Variants in SLC25A21 observed in about 807,000 individuals in gnomAD.
SLC25A21 encodes mitochondrial 2-oxodicarboxylate carrier.
Under a neutral mutation model 43.8 loss-of-function variants are expected in SLC25A21, and 47 were observed. The observed-to-expected ratio is 1.07, with a 90% CI of 0.85 to 1.37. The LOEUF (loss-of-function observed/expected upper bound fraction) is 1.37. Ranked by LOEUF, SLC25A21 falls within the 40% of genes most tolerant of loss-of-function variation. SLC25A21 has a pLI of 0.00. For synonymous variants in SLC25A21, 131 were observed against 121.3 expected (o/e 1.08, Z -0.52); for missense variants, 352 against 350.2 (o/e 1.00, Z -0.04).
In SLC25A21 at chr14:36,752,333, C is replaced by T. The variant is rs368658196; in HGVS notation, c.204-17760G>A. ...GTGGTGCAGCTGCCATGGAAAACAG[C>T]GTGGAGGATCTTCAAGAAATCAAAC... On this transcript the variant is annotated intron_variant, in intron 3 of 9. Transcript: ENST00000331299. 1.6e-4 allele frequency among the ~76,000 whole-genome samples: 24 copies of T among 152,232 alleles called. No homozygotes were observed. In the East Asian group the frequency reaches 1.9e-3, roughly 12 times the overall value.
intron 1 of SLC25A21, among the ~76,000 whole-genome samples, chr14:36,878,052 C>T (rs1890597422): frequency 6.6e-6 from 1 of 152,092 alleles, no homozygotes; most frequent in African/African-American, 2.4e-5. Context: ...ATTTAATCCC[C>T]GCAGTGCTCC....
At chr14:37,161,433 C>A (rs1302121212) in intron 1 of SLC25A21, among the ~76,000 whole-genome samples, 1 of 151,940 alleles carries the variant, frequency 6.6e-6, no homozygotes, top group Admixed American at 6.6e-5. Context: ...AGATATGGAC[C>A]ATAAATTTGA....
At chr14:36,731,109 A>G (rs901432919) in intron 4 of SLC25A21, among the ~76,000 whole-genome samples, 5 of 151,600 alleles carry the variant, frequency 3.3e-5, no homozygotes, top group African/African-American at 1.2e-4. Flanking sequence ...AGTAGCTGGG[A>G]CTACAGGCGC....
At chr14:36,967,623 C>T (rs1165579307) in intron 1 of SLC25A21, among the ~76,000 whole-genome samples, 1 of 152,204 alleles carries the variant, frequency 6.6e-6, no homozygotes, top group Admixed American at 6.5e-5. Context: ...AGCCTTGTAT[C>T]TTTATGCCTG....
At chr14:36,828,657 G>C (rs982297978) in intron 2 of SLC25A21, 2 of 152,080 alleles carry the variant, frequency 1.3e-5, no homozygotes, top group African/African-American at 4.8e-5. Context: ...TACTGTATTG[G>C]GTGTGCCTTA....
chr14:37,015,522 A>C (rs1435377760), intron 1 of SLC25A21, among the ~76,000 whole-genome samples: 6 of 151,820 alleles, frequency 4.0e-5, no homozygotes, highest in African/African-American at 1.5e-4. Context: ...GTGTCTTTAT[A>C]GCAGCATGAT....
Position 36,692,190 on chromosome 14 carries a change from C to A in SLC25A21, c.604-7265G>T, listed in dbSNP as rs531081779. On this transcript the variant is annotated intron_variant, in intron 7 of 9. Coordinates refer to ENST00000331299, the MANE Select transcript of SLC25A21 (RefSeq NM_030631.4). ...GTGCACAGCTAAAGAGATGTGTTTA[C>A]CAGCCCCTCTTCAGGGAGATCAATG... Among the ~76,000 whole-genome samples the A allele has an allele frequency of 2.6e-5, 4 of 152,272 alleles. No homozygotes were observed. In the South Asian group the frequency reaches 8.3e-4, roughly 32 times the overall value.
At chr14:36,947,043 A>G (rs571930180) in intron 1 of SLC25A21, among the ~76,000 whole-genome samples, 5 of 152,328 alleles carry the variant, frequency 3.3e-5, no homozygotes, top group Non-Finnish European at 7.4e-5. Flanking sequence ...GTGTTCAGCA[A>G]AAGTTTCTAA....
intron 3 of SLC25A21, among the ~76,000 whole-genome samples, chr14:36,753,231 G>A (rs976439271): frequency 6.6e-6 from 1 of 151,944 alleles, no homozygotes; most frequent in Admixed American, 6.6e-5. Flanking sequence ...TTTATGTTAT[G>A]TGTATTATGA....
intron 1 of SLC25A21, among the ~76,000 whole-genome samples, chr14:37,068,529 A>G (rs532822404): frequency 1.3e-5 from 2 of 152,222 alleles, no homozygotes; most frequent in Non-Finnish European, 2.9e-5. Flanking sequence ...CACATTTTGT[A>G]TAATTGCATC....
At chr14:37,051,572 A>G (rs1961706787) in intron 1 of SLC25A21, among the ~76,000 whole-genome samples, 1 of 152,204 alleles carries the variant, frequency 6.6e-6, no homozygotes, top group Admixed American at 6.5e-5. Flanking sequence ...GGCAATTGGA[A>G]AAGAGTTTAA....
chr14:36,748,245 A>G (rs1239094015), intron 3 of SLC25A21, among the ~76,000 whole-genome samples: 1 of 152,154 alleles, frequency 6.6e-6, no homozygotes, highest in Admixed American at 6.5e-5. Flanking sequence ...TTCCCTGACT[A>G]TGCCTCTAAT....
At chr14:37,014,896 A>G (rs1960812909) in intron 1 of SLC25A21, among the ~76,000 whole-genome samples, 1 of 152,130 alleles carries the variant, frequency 6.6e-6, no homozygotes, top group South Asian at 2.1e-4. Context: ...ATGAGCAATA[A>G]TATTTGGAAA....
At chr14:36,859,329 T>TA (rs1889996091) in intron 2 of SLC25A21, among the ~76,000 whole-genome samples, 1 of 152,188 alleles carries the variant, frequency 6.6e-6, no homozygotes, top group Non-Finnish European at 1.5e-5. Flanking sequence ...CATGATTCCT[T>TA]AAAAATAAAT....
intron 1 of SLC25A21, among the ~76,000 whole-genome samples, chr14:36,896,883 T>A (rs1223434339): frequency 6.6e-6 from 1 of 152,256 alleles, no homozygotes; most frequent in Non-Finnish European, 1.5e-5. Context: ...CTCTGCTGGC[T>A]TGTAGAGTTT....
chr14:36,704,781 G>A (rs1024090620), intron 7 of SLC25A21, among the ~76,000 whole-genome samples: 11 of 151,966 alleles, frequency 7.2e-5, no homozygotes, highest in African/African-American at 2.7e-4. Flanking sequence ...CCCCACCCCT[G>A]TCATATGGCT....
intron 1 of SLC25A21, among the ~76,000 whole-genome samples, chr14:36,877,992 G>A (rs1321912505): frequency 6.6e-6 from 1 of 152,028 alleles, no homozygotes; most frequent in Non-Finnish European, 1.5e-5. Flanking sequence ...GCAGAGGAGT[G>A]GTATTGACCT....
chr14:36,881,291 A>T (rs1001482187), intron 1 of SLC25A21, among the ~76,000 whole-genome samples: 1 of 152,198 alleles, frequency 6.6e-6, no homozygotes, highest in Non-Finnish European at 1.5e-5. Context: ...ATTTGAGATT[A>T]CTTGCCCTAA....
At chr14:37,051,888 G>A (rs1961714460) in intron 1 of SLC25A21, among the ~76,000 whole-genome samples, 1 of 152,292 alleles carries the variant, frequency 6.6e-6, no homozygotes, top group Non-Finnish European at 1.5e-5. Flanking sequence ...TTAACTGGAA[G>A]CCAGAGAGCA....
Sources: allele counts gnomAD v4.1 joint callset (sites outside exome capture counted in the v4.1 genomes callset), GRCh38; gene constraint gnomAD v4.1.1; transcripts MANE v1.5; gene names NCBI Gene and HGNC (gene_info 2026-07-23, HGNC 2026-07-21).